The following ATXN7L1 variants were observed in gnomAD, a reference collection of about 807,000 sequenced individuals.
The protein encoded by ATXN7L1 is ataxin 7 like 1.
ATXN7L1 carries 15 observed loss-of-function variants against 70.8 expected under a neutral mutation model. The observed-to-expected ratio is 0.21, with a 90% CI of 0.14 to 0.33. ATXN7L1 has a LOEUF of 0.33. ATXN7L1 is among the 10% of genes least tolerant of loss of function. The probability of loss-of-function intolerance (pLI) is 1.00; values close to 1 mark genes in which losing one functional copy is unlikely to be tolerated. For synonymous variants in ATXN7L1, 440 were observed against 445.1 expected, an observed-to-expected ratio of 0.99 and a Z score of 0.14; for missense variants, 975 against 1,097.1, an observed-to-expected ratio of 0.89 and a Z score of 1.57.
At position 105,733,573 on chromosome 7, in the gene ATXN7L1, T is replaced by C. The variant is rs1427257497; in HGVS notation, c.355+55031A>G. ...ATCCATCCACCCATCCATCCTTCCATCCATCCACCCATCCATCCATCCATC... is the reference window on the plus strand; with the variant it reads ...ATCCATCCACCCATCCATCCTTCCACCCATCCACCCATCCATCCATCCATC... On this transcript the variant is annotated intron_variant, in intron 3 of 11. Transcript: ENST00000419735. Among the ~76,000 whole-genome samples the C allele has an allele frequency of 8.1e-3, 779 of 96,558 alleles. 1 individual carries two copies. Among genetic ancestry groups the C allele is most frequent in the African/African-American group, 0.018 (347 of 18,894 alleles). The allele number at this position is 96,558 out of a possible 152,430, so 63.3% of individuals were successfully genotyped here.
intron 9 of ATXN7L1, chr7:105,618,197 T>C (rs537193330): frequency 2.6e-5 from 10 of 382,586 alleles, no homozygotes; most frequent in Admixed American, 1.8e-4. Flanking sequence ...GACACTTCCA[T>C]AACACAGGGA....
At chr7:105,773,841 C>T (rs1563081500) in intron 3 of ATXN7L1, among the ~76,000 whole-genome samples, 1 of 152,104 alleles carries the variant, frequency 6.6e-6, no homozygotes, top group Non-Finnish European at 1.5e-5. Flanking sequence ...GGCAGGCCTA[C>T]AAGTTGTGTA....
At chr7:105,797,943 G>T (rs1189592419) in intron 2 of ATXN7L1, among the ~76,000 whole-genome samples, 1 of 152,194 alleles carries the variant, frequency 6.6e-6, no homozygotes, top group Non-Finnish European at 1.5e-5. Context: ...TTAATCAATG[G>T]TAATATGTTA....
chr7:105,646,115 C>T (rs1037170092), intron 4 of ATXN7L1, among the ~76,000 whole-genome samples: 21 of 150,662 alleles, frequency 1.4e-4, no homozygotes, highest in African/African-American at 5.1e-4. Flanking sequence ...AGTTTGAGAC[C>T]AGCCCGGGCA....
chr7:105,788,835 T>C (rs2116482023), intron 2 of ATXN7L1, 127 bp from the exon 3 acceptor site: 2 of 741,560 alleles, frequency 2.7e-6, no homozygotes, highest in Non-Finnish European at 4.6e-6. Flanking sequence ...CAATAATCTT[T>C]ACTAACGGGA....
chr7:105,738,612 G>A (rs771136075), intron 3 of ATXN7L1, among the ~76,000 whole-genome samples: 4 of 152,180 alleles, frequency 2.6e-5, no homozygotes, highest in Non-Finnish European at 5.9e-5. Context: ...GGAAATTGAC[G>A]ATCAATGATT....
At chr7:105,797,294 A>G (rs1329532732) in intron 2 of ATXN7L1, among the ~76,000 whole-genome samples, 2 of 152,204 alleles carry the variant, frequency 1.3e-5, no homozygotes, top group Non-Finnish European at 2.9e-5. Flanking sequence ...GGGCAGGTGG[A>G]AGCTCCTCAT....
chr7:105,654,996 A>T (rs575612562), intron 4 of ATXN7L1, among the ~76,000 whole-genome samples: 1 of 150,450 alleles, frequency 6.6e-6, no homozygotes, highest in African/African-American at 2.5e-5. Flanking sequence ...TGCCCGCTTC[A>T]GTCTCCCAAA....
At chr7:105,729,433 T>G (rs1357154906) in intron 3 of ATXN7L1, among the ~76,000 whole-genome samples, 2 of 94,980 alleles carry the variant, frequency 2.1e-5, no homozygotes, top group African/African-American at 7.0e-5. Flanking sequence ...CCTACTTCTT[T>G]TTTTTTTTTT....
chr7:105,709,438 A>G (rs1049128942), intron 3 of ATXN7L1, among the ~76,000 whole-genome samples: 2 of 152,056 alleles, frequency 1.3e-5, no homozygotes, highest in Non-Finnish European at 2.9e-5. Flanking sequence ...ATTCCTAGAG[A>G]TAGTAAAGGA....
At chr7:105,861,599 C>T (rs541030752) in intron 2 of ATXN7L1, among the ~76,000 whole-genome samples, 1 of 151,800 alleles carries the variant, frequency 6.6e-6, no homozygotes, top group East Asian at 1.9e-4. Context: ...GTGCGGCACC[C>T]GGGGGTGGGA....
intron 7 of ATXN7L1, among the ~76,000 whole-genome samples, chr7:105,634,458 A>G (rs1387975361): frequency 1.3e-5 from 2 of 150,524 alleles, no homozygotes; most frequent in Non-Finnish European, 3.0e-5. Context: ...GCATGAAAGT[A>G]CATTTCTTAT....
intron 2 of ATXN7L1, among the ~76,000 whole-genome samples, chr7:105,797,889 C>T (rs974916660): frequency 5.9e-5 from 9 of 152,196 alleles, no homozygotes; most frequent in Non-Finnish European, 8.8e-5. Flanking sequence ...GACTTATCGC[C>T]CTTCCTATCT....
At chr7:105,870,236 C>A (rs895942948) in intron 2 of ATXN7L1, among the ~76,000 whole-genome samples, 1 of 148,364 alleles carries the variant, frequency 6.7e-6, no homozygotes, top group Non-Finnish European at 1.5e-5. Flanking sequence ...GAGCTGAGAT[C>A]GCACCACTGC....
At chr7:105,765,074 C>T (rs953706378) in intron 3 of ATXN7L1, among the ~76,000 whole-genome samples, 2 of 152,288 alleles carry the variant, frequency 1.3e-5, no homozygotes, top group African/African-American at 4.8e-5. Context: ...GTGGCTCACA[C>T]CTGTAATCCC....
At chr7:105,709,563 C>T (rs1004550581) in intron 3 of ATXN7L1, among the ~76,000 whole-genome samples, 3 of 152,074 alleles carry the variant, frequency 2.0e-5, no homozygotes, top group African/African-American at 7.2e-5. Context: ...CCTAATCACC[C>T]CAGGGTTAGG....
At position 105,729,997 on chromosome 7, in the gene ATXN7L1, A is replaced by C. The variant is rs557590161; in HGVS notation, c.355+58607T>G. Among the ~76,000 whole-genome samples, 143 of 152,158 alleles carry C rather than the reference A, an allele frequency of 9.4e-4. 1 individual carries two copies. The highest frequency in any genetic ancestry group is 3.3e-3 in the South Asian group (16 of 4,816). ...AGTGATCCGCCCGTCTCGGCCTCCCAAAGTGCTGGGATTACAGGCGTGAGC... is the reference window on the plus strand; with the variant it reads ...AGTGATCCGCCCGTCTCGGCCTCCCCAAGTGCTGGGATTACAGGCGTGAGC... On this transcript the variant is annotated intron_variant, in intron 3 of 11. Coordinates refer to ENST00000419735, the MANE Select transcript of ATXN7L1 (RefSeq NM_020725.2).
chr7:105,868,867 G>A lies in ATXN7L1; in HGVS notation c.250+6945C>T, dbSNP rs1345370944. Among the ~76,000 whole-genome samples, 3 of 152,178 alleles carry A rather than the reference G, an allele frequency of 2.0e-5. No individual in the cohort carries two copies. The East Asian group carries it at 5.8e-4, about 29-fold the overall frequency. On this transcript the variant is annotated intron_variant, in intron 2 of 11. Transcript: ENST00000419735. Reference sequence around the variant, plus strand: ...GACCCTGGTACAGGGCAACTTAGAAGGCAAATTATCATATACAGTGTTTCC... The same window carrying A: ...GACCCTGGTACAGGGCAACTTAGAAAGCAAATTATCATATACAGTGTTTCC...
chr7:105,685,662 A>C (rs1009653285), intron 3 of ATXN7L1, among the ~76,000 whole-genome samples: 1 of 152,154 alleles, frequency 6.6e-6, no homozygotes, highest in African/African-American at 2.4e-5. Context: ...CCAGAACCTG[A>C]GTATCAGCAG....
Sources: allele counts gnomAD v4.1 joint callset (sites outside exome capture counted in the v4.1 genomes callset), GRCh38; gene constraint gnomAD v4.1.1; transcripts MANE v1.5; gene names NCBI Gene and HGNC (gene_info 2026-07-23, HGNC 2026-07-21).